The following KHK variants were observed in gnomAD, a reference collection of about 807,000 sequenced individuals.
The protein encoded by KHK is ketohexokinase.
In KHK, 37 loss-of-function variants were observed where a neutral mutation model predicts 36.0. The ratio of observed to expected loss-of-function variants is 1.03; its 90% confidence interval spans 0.79 to 1.35. KHK has a LOEUF of 1.35. Ranked by LOEUF, KHK falls within the 40% of genes most tolerant of loss-of-function variation. The probability of loss-of-function intolerance (pLI) is 0.00; values close to 1 mark genes in which losing one functional copy is unlikely to be tolerated. For missense variants in KHK, 395 were observed against 391.9 expected (o/e 1.01, Z -0.07); for synonymous variants, 161 against 162.8 (o/e 0.99, Z 0.08).
chr2:27,094,033 T>C (rs1349014812), intron 2 of KHK, among the ~76,000 whole-genome samples: 1 of 152,194 alleles, frequency 6.6e-6, no homozygotes, highest in Non-Finnish European at 1.5e-5. Flanking sequence ...CTGGATGAGC[T>C]TGTGGAGGAC....
chr2:27,090,452 C>CTTTTTTTTTTTT (rs559420015), intron 1 of KHK, among the ~76,000 whole-genome samples: 377 of 110,022 alleles, frequency 3.4e-3, no homozygotes, highest in East Asian at 5.1e-3. Context: ...TTTTTTCTTT[C>CTTTTTTTTTTTT]TTTTTTTTTT....
chr2:27,090,544 T>A (rs558066178), intron 1 of KHK, among the ~76,000 whole-genome samples: 8,436 of 143,126 alleles, frequency 0.059, 796 homozygotes, highest in African/African-American at 0.2. Flanking sequence ...AACCTCTGCC[T>A]CCCGGGTTCA....
rs1670389516 is a variant in KHK at position 27,096,915 on chromosome 2, C to A, written c.417+114C>A. On this transcript the variant is annotated intron_variant, in intron 4 of 7. Coordinates refer to ENST00000260598, the MANE Select transcript of KHK (RefSeq NM_006488.3). Reference sequence around the variant, plus strand: ...GTACCTTAGAGATAAATGAACCCAACCCCCTCATTCTCTCTCCATCTTTCC... The same window carrying A: ...GTACCTTAGAGATAAATGAACCCAAACCCCTCATTCTCTCTCCATCTTTCC... 1.4e-5 allele frequency: 11 copies of A among 784,234 alleles called. No homozygotes were observed. In the East Asian group the frequency reaches 2.8e-4, roughly 20 times the overall value. The allele number at this position is 784,234 out of a possible 1,614,324, so 48.6% of individuals were successfully genotyped here. A position where few individuals can be genotyped will look rare whatever the true frequency, so the allele number is the denominator to read the frequency against.
In KHK at chr2:27,094,558, C is replaced by A. The variant is rs756859250; in HGVS notation, c.210-242C>A. The A allele has an allele frequency of 1.9e-6, 3 of 1,614,206 alleles. No homozygotes were observed. In the East Asian group the frequency reaches 6.7e-5, roughly 36 times the overall value. On this transcript the variant is annotated intron_variant, in intron 2 of 7. Coordinates refer to ENST00000260598, the MANE Select transcript of KHK (RefSeq NM_006488.3). The stretch of plus-strand genomic sequence containing the variant: ...AGACCACAGGCTCCGTCCCCATCGC[C>A]ACGGTCATCATCAACGAGGCCAGTG...
rs1476284927 is a variant in KHK at position 27,099,291 on chromosome 2, C to A, written c.653+7C>A. Reference sequence around the variant, plus strand: ...ATGGTCGTGTGAGGAAAGGGTGAGCCGGGGAAGCCAGGAAGGGGCTTTAGA... The same window carrying A: ...ATGGTCGTGTGAGGAAAGGGTGAGCAGGGGAAGCCAGGAAGGGGCTTTAGA... On this transcript the variant is annotated splice_region_variant and intron_variant, in intron 6 of 7. Transcript: ENST00000260598. 2 of 1,613,690 alleles carry A rather than the reference C, an allele frequency of 1.2e-6. No individual in the cohort carries two copies. Among genetic ancestry groups the A allele is most frequent in the Non-Finnish European group, 1.7e-6 (2 of 1,179,932 alleles).
intron 1 of KHK, among the ~76,000 whole-genome samples, chr2:27,088,617 T>C (rs1221840694): frequency 6.6e-6 from 1 of 152,082 alleles, no homozygotes; most frequent in Non-Finnish European, 1.5e-5. Flanking sequence ...CTTTTCTTTG[T>C]AAAGACATGT....
chr2:27,087,105 C>A lies in KHK; in HGVS notation c.-155C>A. ...GCCCTGCTCCTTTCGTTCCCTGCACCCCTGGCCGCTGCAGGTGGCTCCCTG... is the reference window on the plus strand; with the variant it reads ...GCCCTGCTCCTTTCGTTCCCTGCACACCTGGCCGCTGCAGGTGGCTCCCTG... On this transcript the variant is annotated 5_prime_UTR_variant, in exon 1 of 8. Coordinates refer to ENST00000260598, the MANE Select transcript of KHK (RefSeq NM_006488.3). 1.6e-6 allele frequency: 1 copy of A among 634,680 alleles called. No homozygotes were observed. Among genetic ancestry groups the A allele is most frequent in the South Asian group, 1.9e-5 (1 of 53,692 alleles). 39.3% of individuals were successfully genotyped at this position (634,680 alleles called of 1,614,324 possible). A position where few individuals can be genotyped will look rare whatever the true frequency, so the allele number is the denominator to read the frequency against.
chr2:27,089,479 G>T (rs933703816), intron 1 of KHK, among the ~76,000 whole-genome samples: 3 of 152,214 alleles, frequency 2.0e-5, no homozygotes, highest in African/African-American at 7.2e-5. Flanking sequence ...GCCTCTTTCT[G>T]TCAGAGCTGA....
intron 2 of KHK, among the ~76,000 whole-genome samples, chr2:27,093,818 A>G (rs1670153223): frequency 6.6e-6 from 1 of 152,108 alleles, no homozygotes. Context: ...TCCAGGAGAG[A>G]GTTCTGGACC....
At chr2:27,090,372 CT>C (rs563278961) in intron 1 of KHK, among the ~76,000 whole-genome samples, 12 of 151,620 alleles carry the variant, frequency 7.9e-5, no homozygotes, top group African/African-American at 1.7e-4. Flanking sequence ...GAGATTCCTC[CT>C]TTTTTTTCAT....
At chr2:27,088,498 C>T (rs1013432120) in intron 1 of KHK, among the ~76,000 whole-genome samples, 10 of 152,110 alleles carry the variant, frequency 6.6e-5, no homozygotes, top group Admixed American at 5.2e-4. Context: ...CTGCAACCTC[C>T]GCCTCCTGGA....
intron 2 of KHK, chr2:27,094,403 G>A (rs1670197685): frequency 1.3e-6 from 2 of 1,584,494 alleles, no homozygotes; most frequent in Admixed American, 1.7e-5. Context: ...GTCCCTAGTG[G>A]CCCTGCCAGC....
rs201170990 is a variant in KHK at position 27,094,812 on chromosome 2, C to T, written c.222C>T (p.Ala74=). Residue 74 remains alanine (A), a synonymous_variant, in exon 3 of 8, where the codon GCC becomes GCT. Transcript: ENST00000260598. ...APGHVADFLV[A]DFRRRGVDVS... The stretch of plus-strand genomic sequence containing the variant: ...CCTCCACCCTAAGCTTCCTGGTGGC[C>T]GACTTCAGGCGGCGGGGCGTGGACG... The T allele has an allele frequency of 4.1e-5, 66 of 1,614,016 alleles. No individual in the cohort carries two copies. In the Middle Eastern group the frequency reaches 4.9e-4, roughly 12 times the overall value.
chr2:27,089,461 G>A (rs1265718038), intron 1 of KHK, among the ~76,000 whole-genome samples: 2 of 152,226 alleles, frequency 1.3e-5, no homozygotes, highest in Non-Finnish European at 2.9e-5. Context: ...CCTGGGAAAA[G>A]ACTCAGCGCC....
Position 27,099,101 on chromosome 2 carries a change from T to C in KHK, c.565-95T>C, listed in dbSNP as rs545507451. On this transcript the variant is annotated intron_variant, in intron 5 of 7. Coordinates refer to ENST00000260598, the MANE Select transcript of KHK (RefSeq NM_006488.3). ...TACGTTGGGGATCTATGTGGACATG[T>C]TGGGGGAGTCGTGTTGTAATGGGGG... is the stretch of plus-strand genomic sequence containing the variant. The C allele has an allele frequency of 4.1e-4, 423 of 1,025,564 alleles. 1 individual carries two copies. Among genetic ancestry groups the C allele is most frequent in the Non-Finnish European group, 4.5e-4 (292 of 643,982 alleles). The allele number at this position is 1,025,564 out of a possible 1,614,324, so 63.5% of individuals were successfully genotyped here.
chr2:27,100,404 C>T lies in KHK; in HGVS notation c.*654C>T. 1 of 1,288,026 alleles carries T rather than the reference C, an allele frequency of 7.8e-7. No individual in the cohort carries two copies. The highest frequency in any genetic ancestry group is 1.2e-5 in the South Asian group (1 of 80,962). The allele number at this position is 1,288,026 out of a possible 1,614,324, so 79.8% of individuals were successfully genotyped here. A position where few individuals can be genotyped will look rare whatever the true frequency, so the allele number is the denominator to read the frequency against. The stretch of plus-strand genomic sequence containing the variant: ...TGCCCCAGAGCCTGAAAGTCTCACC[C>T]TTGGAGCCCACCTTGGAATTAAGGG... On this transcript the variant is annotated 3_prime_UTR_variant, in exon 8 of 8. Coordinates refer to ENST00000260598, the MANE Select transcript of KHK (RefSeq NM_006488.3).
At chr2:27,099,111 C>A in intron 5 of KHK, 85 bp from the exon 6 acceptor site, 1 of 1,136,860 alleles carries the variant, frequency 8.8e-7, no homozygotes, top group Non-Finnish European at 1.3e-6. Flanking sequence ...TTGGGGGAGT[C>A]GTGTTGTAAT....
rs757700349 is a variant in KHK, at chr2:27,099,774, A to G, written c.*24A>G. 1.2e-6 allele frequency: 2 copies of G among 1,610,096 alleles called. No homozygotes were observed. The highest frequency in any genetic ancestry group is 2.2e-5 in the South Asian group (2 of 90,306). On this transcript the variant is annotated 3_prime_UTR_variant, in exon 8 of 8. Coordinates refer to ENST00000260598, the MANE Select transcript of KHK (RefSeq NM_006488.3). ...GAGAGCAGGTGCCGGCTCCTCACAC[A>G]CCATGGAGACTACCATTGCGGCTGC...
At chr2:27,091,568 A>G (rs777996488) in intron 1 of KHK, among the ~76,000 whole-genome samples, 19 of 152,232 alleles carry the variant, frequency 1.2e-4, no homozygotes, top group Non-Finnish European at 1.6e-4. Flanking sequence ...AACTGGCACA[A>G]TAGAAATAAC....
Sources: allele counts gnomAD v4.1 joint callset (sites outside exome capture counted in the v4.1 genomes callset), GRCh38; gene constraint gnomAD v4.1.1; transcripts MANE v1.5; gene names NCBI Gene and HGNC (gene_info 2026-07-23, HGNC 2026-07-21).